PPP4R3B: variants seen among roughly 807,000 people sequenced by gnomAD.
PPP4R3B encodes protein phosphatase 4 regulatory subunit 3B.
Under a neutral mutation model 95.4 loss-of-function variants are expected in PPP4R3B, and 52 were observed. The ratio of observed to expected loss-of-function variants is 0.54; its 90% CI spans 0.44 to 0.69. The LOEUF (loss-of-function observed/expected upper bound fraction) is 0.69, where lower values mean the gene tolerates loss of function less well. PPP4R3B is among the 30% of genes least tolerant of loss of function. The pLI is 0.00. For synonymous variants in PPP4R3B, 407 were observed against 343.9 expected (o/e 1.18, Z -2.03); for missense variants, 1,003 against 1,005.9 (o/e 1.00, Z 0.04).
intron 4 of PPP4R3B, among the ~76,000 whole-genome samples, chr2:55,589,466 C>G (rs1018813446): frequency 6.6e-6 from 1 of 152,194 alleles, no homozygotes; most frequent in Non-Finnish European, 1.5e-5. Flanking sequence ...CTACAACCAA[C>G]TGGTGCACAG....
At chr2:55,606,995 A>T (rs370691740) in intron 2 of PPP4R3B, among the ~76,000 whole-genome samples, 1 of 152,164 alleles carries the variant, frequency 6.6e-6, no homozygotes, top group African/African-American at 2.4e-5. Context: ...ATTTGTACTT[A>T]TATCATCATC....
At chr2:55,599,456 T>TTAAAA (rs1475570727) in intron 3 of PPP4R3B, among the ~76,000 whole-genome samples, 5 of 151,890 alleles carry the variant, frequency 3.3e-5, no homozygotes, top group African/African-American at 7.3e-5. Flanking sequence ...AAATAAAAAA[T>TTAAAA]TAAAATAAAA....
intron 3 of PPP4R3B, among the ~76,000 whole-genome samples, chr2:55,603,616 G>C (rs1291026442): frequency 6.6e-6 from 1 of 152,178 alleles, no homozygotes; most frequent in Non-Finnish European, 1.5e-5. Context: ...GCCTGGTACA[G>C]TATGCATAAA....
chr2:55,581,694 A>C lies in PPP4R3B; in HGVS notation c.1238T>G (p.Ile413Ser). Residue 413 changes from isoleucine (I) to serine (S), a missense_variant, in exon 8 of 17, where the codon ATT becomes AGT. Coordinates refer to ENST00000616407, the MANE Select transcript of PPP4R3B (RefSeq NM_001122964.3). ...TTCAATTACCACATTAATAAGAAGA[A>C]TATCCTGGTGGCAAAACAAAACAAA... The part of the protein sequence containing the change: ...MQEAQQSDDD[I>S]LLINVVIEQM... 6.8e-6 allele frequency: 11 copies of C among 1,612,070 alleles called. No individual in the cohort carries two copies. Among genetic ancestry groups the C allele is most frequent in the Non-Finnish European group, 9.3e-6 (11 of 1,179,386 alleles).
chr2:55,555,789 C>T (rs1362840796), intron 16 of PPP4R3B, among the ~76,000 whole-genome samples: 3 of 152,150 alleles, frequency 2.0e-5, no homozygotes, highest in African/African-American at 4.8e-5. Context: ...CAGGAAATCT[C>T]TAATGTCCTG....
At chr2:55,612,421 A>G (rs1034808760) in intron 2 of PPP4R3B, among the ~76,000 whole-genome samples, 5 of 152,228 alleles carry the variant, frequency 3.3e-5, no homozygotes, top group African/African-American at 1.2e-4. Flanking sequence ...AACTTCAAAT[A>G]ACTACAAATT....
chr2:55,588,611 G>C (rs1690517371), intron 5 of PPP4R3B, among the ~76,000 whole-genome samples: 1 of 151,954 alleles, frequency 6.6e-6, no homozygotes, highest in Admixed American at 6.6e-5. Context: ...TCTAACATAA[G>C]GCACTTATCT....
chr2:55,555,421 G>T (rs1198054156), intron 16 of PPP4R3B, among the ~76,000 whole-genome samples: 1 of 151,424 alleles, frequency 6.6e-6, no homozygotes, highest in African/African-American at 2.4e-5. Context: ...TTTCCAATAT[G>T]AAAGAAAGGA....
In PPP4R3B at chr2:55,617,620, T is replaced by G; in HGVS notation, c.-335A>C. On this transcript the variant is annotated 5_prime_UTR_variant, in exon 1 of 17. Coordinates refer to ENST00000616407, the MANE Select transcript of PPP4R3B (RefSeq NM_001122964.3). ...TAACCCGACTCTCTCTGCCTTTCTC[T>G]TCCTCCTCCAGCAGGCTCGCACGGG... The G allele has an allele frequency of 2.4e-5, 5 of 207,486 alleles. No individual in the cohort carries two copies. Among genetic ancestry groups the G allele is most frequent in the Admixed American group, 5.6e-5 (1 of 17,926 alleles). The allele number at this position is 207,486 out of a possible 1,614,324, so 12.9% of individuals were successfully genotyped here. A position where few individuals can be genotyped will look rare whatever the true frequency, so the allele number is the denominator to read the frequency against.
In PPP4R3B at chr2:55,601,116, G is replaced by C. The variant is rs550755149; in HGVS notation, c.298-2077C>G. On this transcript the variant is annotated intron_variant, in intron 3 of 16. Coordinates refer to ENST00000616407, the MANE Select transcript of PPP4R3B (RefSeq NM_001122964.3). ...GCTTAGATCACACCACTGCATTCTA[G>C]CCTGGGGAGAGCCAGACCATGTCTC... Among the ~76,000 whole-genome samples the C allele has an allele frequency of 1.4e-4, 20 of 139,340 alleles. No individual in the cohort carries two copies. In the South Asian group the frequency reaches 3.9e-3, roughly 27 times the overall value. The allele number at this position is 139,340 out of a possible 152,430, so 91.4% of individuals were successfully genotyped here. A position where few individuals can be genotyped will look rare whatever the true frequency, so the allele number is the denominator to read the frequency against.
At chr2:55,550,803 C>A (rs946649301) in intron 16 of PPP4R3B, among the ~76,000 whole-genome samples, 2 of 152,076 alleles carry the variant, frequency 1.3e-5, no homozygotes, top group African/African-American at 4.8e-5. Context: ...ACCTGAAGTA[C>A]TGAGGTATCG....
At chr2:55,612,959 A>C (rs113732311) in intron 2 of PPP4R3B, among the ~76,000 whole-genome samples, 13,595 of 151,778 alleles carry the variant, frequency 0.09, 743 homozygotes, top group South Asian at 0.14. Flanking sequence ...AAAAAAAAAA[A>C]AATTAGTCAA....
intron 16 of PPP4R3B, among the ~76,000 whole-genome samples, chr2:55,555,970 T>C (rs1047692545): frequency 6.6e-6 from 1 of 152,278 alleles, no homozygotes; most frequent in Non-Finnish European, 1.5e-5. Context: ...ACTAAAGAAG[T>C]ATTTTGTGTC....
chr2:55,597,423 C>G (rs1691949171), intron 4 of PPP4R3B, among the ~76,000 whole-genome samples: 1 of 152,078 alleles, frequency 6.6e-6, no homozygotes, highest in Middle Eastern at 3.4e-3. Flanking sequence ...GAGATCGAGA[C>G]CATCCTGGCT....
intron 11 of PPP4R3B, 116 bp downstream of exon 11, chr2:55,577,199 G>T: frequency 7.9e-7 from 1 of 1,269,708 alleles, no homozygotes; most frequent in East Asian, 3.1e-5. Context: ...ATTTCTTCTT[G>T]GATTTTGTTT....
In PPP4R3B at chr2:55,568,194, C is replaced by T; in HGVS notation, c.1935G>A (p.Val645=). 1.3e-6 allele frequency: 2 copies of T among 1,523,958 alleles called. No homozygotes were observed. Among genetic ancestry groups the T allele is most frequent in the South Asian group, 1.4e-5 (1 of 72,514 alleles). The allele number at this position is 1,523,958 out of a possible 1,614,324, so 94.4% of individuals were successfully genotyped here. The change falls in exon 13 of 17, where the codon GTG becomes GTA. Residue 645 remains valine (V), a splice_region_variant and synonymous_variant. Transcript: ENST00000616407. ...TAACAGCTGTTTTATATAAACTTACCACTCTTATAAATTCAAACAACTCAA... is the reference window on the plus strand; with the variant it reads ...TAACAGCTGTTTTATATAAACTTACTACTCTTATAAATTCAAACAACTCAA... ...AVIELFEFIR[V]EDIKSLTAHI... is the part of the protein sequence containing the mutation.
intron 16 of PPP4R3B, among the ~76,000 whole-genome samples, chr2:55,550,951 T>C (rs1027878307): frequency 2.0e-5 from 3 of 152,104 alleles, no homozygotes; most frequent in South Asian, 2.1e-4. Flanking sequence ...ACACACATCT[T>C]AAGTCTGGAT....
intron 2 of PPP4R3B, among the ~76,000 whole-genome samples, chr2:55,606,653 T>C (rs539487482): frequency 6.9e-4 from 104 of 151,820 alleles, no homozygotes; most frequent in Non-Finnish European, 1.3e-3. Flanking sequence ...TGAAACCCCA[T>C]CTCTACTAAA....
intron 4 of PPP4R3B, among the ~76,000 whole-genome samples, chr2:55,590,856 T>C (rs1048182736): frequency 6.6e-6 from 1 of 152,200 alleles, no homozygotes; most frequent in African/African-American, 2.4e-5. Context: ...ACGTGGAACA[T>C]GTATTTTTAA....
Sources: gnomAD v4.1 joint callset for allele counts (sites outside exome capture counted in the v4.1 genomes callset) on GRCh38, gnomAD v4.1.1 for gene constraint, MANE v1.5 for transcripts, NCBI Gene and HGNC (gene_info 2026-07-23, HGNC 2026-07-21) for gene names.